CDH13: variants seen among roughly 807,000 people sequenced by gnomAD.
CDH13 encodes cadherin-13.
A neutral mutation model predicts 63.8 loss-of-function variants in CDH13; 24 were observed. The ratio of observed to expected loss-of-function variants is 0.38; its 90% confidence interval spans 0.27 to 0.53. CDH13 has a LOEUF of 0.53. CDH13 is among the 20% of genes least tolerant of loss of function. CDH13 has a pLI of 0.85. For missense variants in CDH13, 1,049 were observed against 903.1 expected (o/e 1.16, Z -2.07); for synonymous variants, 503 against 355.3 (o/e 1.42, Z -4.67).
Position 83,387,814 on chromosome 16 carries a change from C to T in CDH13, c.781+42808C>T, listed in dbSNP as rs180835084. Among the ~76,000 whole-genome samples the T allele has an allele frequency of 6.2e-3, 948 of 152,294 alleles. 10 individuals carry two copies. The highest frequency in any genetic ancestry group is 0.041 in the Middle Eastern group (12 of 294). On this transcript the variant is annotated intron_variant, in intron 6 of 13. Coordinates refer to ENST00000567109, the MANE Select transcript of CDH13 (RefSeq NM_001257.5). The stretch of plus-strand genomic sequence containing the variant: ...ACAGCAGTCCCCCTGGCACTTTCCC[C>T]TTGCTGTCTCTTTCTTTGCCTTGGT...
At chr16:83,058,982 C>A (rs528254580) in intron 3 of CDH13, among the ~76,000 whole-genome samples, 22 of 152,078 alleles carry the variant, frequency 1.4e-4, no homozygotes, top group African/African-American at 5.1e-4. Context: ...ATGGATGTCC[C>A]GGTTTTACTG....
chr16:83,565,366 G>T (rs1016940096), intron 7 of CDH13, among the ~76,000 whole-genome samples: 1 of 138,304 alleles, frequency 7.2e-6, no homozygotes, highest in Non-Finnish European at 1.5e-5. Context: ...TGGGATTTCC[G>T]TTCCTCTTCC....
chr16:82,840,555 C>T (rs1402672003), intron 1 of CDH13, among the ~76,000 whole-genome samples: 4 of 151,722 alleles, frequency 2.6e-5, no homozygotes, highest in East Asian at 2.0e-4. Flanking sequence ...TATGGTGGCA[C>T]GTGCCTGTAA....
intron 2 of CDH13, among the ~76,000 whole-genome samples, chr16:83,012,592 T>A (rs924187078): frequency 2.0e-5 from 3 of 152,142 alleles, no homozygotes; most frequent in Non-Finnish European, 4.4e-5. Flanking sequence ...CAAATCATAT[T>A]AAAAGATAAC....
At chr16:82,777,974 C>T (rs2035575657) in intron 1 of CDH13, among the ~76,000 whole-genome samples, 1 of 152,152 alleles carries the variant, frequency 6.6e-6, no homozygotes. Flanking sequence ...ACAGAAGCCA[C>T]AGTTTTTGAT....
chr16:82,740,981 T>C (rs1484424723), intron 1 of CDH13, among the ~76,000 whole-genome samples: 4 of 152,256 alleles, frequency 2.6e-5, no homozygotes, highest in Non-Finnish European at 1.5e-5. Context: ...TTTTTAAAAG[T>C]AAGTGTATTA....
chr16:83,529,364 T>G (rs2075033167), intron 7 of CDH13, among the ~76,000 whole-genome samples: 1 of 152,150 alleles, frequency 6.6e-6, no homozygotes, highest in Non-Finnish European at 1.5e-5. Flanking sequence ...AAAACCTTAA[T>G]ATTTGAGTTT....
intron 5 of CDH13, among the ~76,000 whole-genome samples, chr16:83,250,804 C>T (rs1905437902): frequency 1.3e-5 from 2 of 152,188 alleles, no homozygotes; most frequent in African/African-American, 2.4e-5. Context: ...TACAGACTTT[C>T]CCATCTGTGC....
Position 82,664,408 on chromosome 16 carries a change from A to G in CDH13, c.45+37271A>G, listed in dbSNP as rs201398753. Among the ~76,000 whole-genome samples, 709 of 152,346 alleles carry G rather than the reference A, an allele frequency of 4.7e-3. 5 individuals are homozygous for G. The highest frequency in any genetic ancestry group is 0.017 in the African/African-American group (687 of 41,574). On this transcript the variant is annotated intron_variant, in intron 1 of 13. Coordinates refer to ENST00000567109, the MANE Select transcript of CDH13 (RefSeq NM_001257.5). ...GCCTGAGAGAGCGAGGGTTGGGTGC[A>G]GCTTGGCTACAGCTCTGAACACAGC...
chr16:83,360,623 C>A (rs1237064698), intron 6 of CDH13, among the ~76,000 whole-genome samples: 1 of 152,118 alleles, frequency 6.6e-6, no homozygotes, highest in Non-Finnish European at 1.5e-5. Flanking sequence ...CAGCACCCTC[C>A]GCTAGTCCCC....
At chr16:83,443,473 A>G (rs1598031881) in intron 6 of CDH13, among the ~76,000 whole-genome samples, 1 of 152,188 alleles carries the variant, frequency 6.6e-6, no homozygotes, top group African/African-American at 2.4e-5. Context: ...ATGTCTAGAG[A>G]ATTTTTACGG....
intron 2 of CDH13, among the ~76,000 whole-genome samples, chr16:82,863,283 C>G (rs1157632002): frequency 6.6e-6 from 1 of 152,154 alleles, no homozygotes; most frequent in African/African-American, 2.4e-5. Context: ...TCCTGCTTTC[C>G]TTAGTAGAGA....
At chr16:83,630,739 A>G (rs956824657) in intron 8 of CDH13, among the ~76,000 whole-genome samples, 1 of 152,208 alleles carries the variant, frequency 6.6e-6, no homozygotes, top group Non-Finnish European at 1.5e-5. Flanking sequence ...TACGTTGCCC[A>G]GGTGAAATTC....
chr16:82,719,181 G>C (rs1020936195), intron 1 of CDH13, among the ~76,000 whole-genome samples: 10 of 152,128 alleles, frequency 6.6e-5, no homozygotes, highest in Non-Finnish European at 1.3e-4. Flanking sequence ...AACATGGTAT[G>C]GGGGAAAGAT....
chr16:82,725,419 C>T (rs1192641439), intron 1 of CDH13, among the ~76,000 whole-genome samples: 1 of 152,138 alleles, frequency 6.6e-6, no homozygotes, highest in Non-Finnish European at 1.5e-5. Flanking sequence ...AAGCTAGCTC[C>T]ACCACTTAGC....
intron 10 of CDH13, among the ~76,000 whole-genome samples, chr16:83,746,102 T>A (rs12600170): frequency 0.3 from 45,978 of 152,170 alleles, 7,885 homozygotes; most frequent in East Asian, 0.53. Context: ...AAATTAGTAA[T>A]GCCACGGTAA....
intron 5 of CDH13, among the ~76,000 whole-genome samples, chr16:83,298,150 G>A (rs1436783589): frequency 6.6e-6 from 1 of 152,058 alleles, no homozygotes; most frequent in East Asian, 1.9e-4. Context: ...GGCTGAGGCG[G>A]GAGGAAAGCT....
intron 1 of CDH13, among the ~76,000 whole-genome samples, chr16:82,647,235 C>T (rs138695648): frequency 1.3e-3 from 202 of 152,224 alleles, no homozygotes; most frequent in African/African-American, 4.6e-3. Flanking sequence ...ACACTTGGTC[C>T]AGCAAATAAT....
At chr16:83,744,224 C>T (rs575724786) in intron 10 of CDH13, among the ~76,000 whole-genome samples, 2 of 152,232 alleles carry the variant, frequency 1.3e-5, no homozygotes, top group Admixed American at 6.5e-5. Flanking sequence ...CGTCAGGGCC[C>T]GTGTTAGGCT....
Sources: gnomAD v4.1 joint callset for allele counts (sites outside exome capture counted in the v4.1 genomes callset) on GRCh38, gnomAD v4.1.1 for gene constraint, MANE v1.5 for transcripts, NCBI Gene and HGNC (gene_info 2026-07-23, HGNC 2026-07-21) for gene names.